WAPL: variants seen among roughly 807,000 people sequenced by gnomAD.
WAPL encodes wings apart-like protein homolog.
A neutral mutation model predicts 121.0 loss-of-function variants in WAPL; 5 were observed. The observed-to-expected ratio is 0.04, with a 90% CI of 0.02 to 0.09. The LOEUF is 0.09. Ranked by LOEUF, WAPL falls within the 10% of genes least tolerant of loss-of-function variation. The pLI is 1.00. For missense variants in WAPL, 999 were observed against 1,410.8 expected (o/e 0.71, Z 4.68); for synonymous variants, 480 against 481.5 (o/e 1.00, Z 0.04).
Position 86,471,171 on chromosome 10 carries a change from T to C in WAPL, c.2031-68A>G, listed in dbSNP as rs531038561. On this transcript the variant is annotated intron_variant, in intron 7 of 18. Coordinates refer to ENST00000298767, the MANE Select transcript of WAPL (RefSeq NM_015045.5). ...GTACATTAGTTTTGAGTTTGTGTAA[T>C]ACCAAAACCAGCAAATAGGAAGGGG... The C allele has an allele frequency of 5.9e-5, 77 of 1,298,028 alleles. 2 individuals carry two copies. In the South Asian group the frequency reaches 8.9e-4, roughly 15 times the overall value. The allele number at this position is 1,298,028 out of a possible 1,614,324, so 80.4% of individuals were successfully genotyped here.
intron 2 of WAPL, among the ~76,000 whole-genome samples, chr10:86,514,988 A>G (rs1011169661): frequency 5.9e-5 from 9 of 152,204 alleles, no homozygotes; most frequent in Admixed American, 5.2e-4. Flanking sequence ...GGCTGGGCAC[A>G]GTGGCTCACG....
Position 86,517,877 on chromosome 10 carries a change from C to G in WAPL, c.193G>C (p.Glu65Gln), listed in dbSNP as rs770776850. 2 of 1,614,106 alleles carry G rather than the reference C, an allele frequency of 1.2e-6. No homozygotes were observed. Among genetic ancestry groups the G allele is most frequent in the Admixed American group, 3.3e-5 (2 of 60,022 alleles). Residue 65 changes from glutamate to glutamine, a missense_variant, in exon 2 of 19, where the codon GAA (glutamate) becomes CAA (glutamine). This residue lies in a region of WAPL where 531 missense variants were observed against 563.1 expected (regional missense o/e 0.94). Coordinates refer to ENST00000298767, the MANE Select transcript of WAPL (RefSeq NM_015045.5). ...AAAGGATCTCCAGTACTTTCTTCTT[C>G]CACTTTAGGTTTCTTCGGAATTTCT... ...IQEIPKKPKVEEESTGDPFGF... is the reference protein window; with the variant it reads ...IQEIPKKPKVQEESTGDPFGF...
rs747934527 is a variant in WAPL, at chr10:86,500,417, T to G, written c.826A>C (p.Asn276His). Residue 276 changes from asparagine (N) to histidine (H), a missense_variant, in exon 3 of 19, where the codon AAT becomes CAT. By Grantham distance (68) the Asn-to-His change is moderately conservative (BLOSUM62 1). Transcript: ENST00000298767. ...ACAATATCTTCCTCAATGGCTTCAT[T>G]CAGATTTTCCAATCGATTTTTAAAA... The part of the protein sequence containing the change: ...DDFKNRLENL[N>H]EAIEEDIVQS... 31 of 1,614,122 alleles carry G rather than the reference T, an allele frequency of 1.9e-5. No individual in the cohort carries two copies. The highest frequency in any genetic ancestry group is 2.4e-5 in the Non-Finnish European group (28 of 1,180,050).
At chr10:86,450,333 G>A (rs539811569) in intron 15 of WAPL, among the ~76,000 whole-genome samples, 10 of 152,262 alleles carry the variant, frequency 6.6e-5, no homozygotes, top group Non-Finnish European at 1.2e-4. Flanking sequence ...ACTCCTGGGT[G>A]CAAGCAATCC....
rs147606210 is a variant in WAPL at position 86,461,240 on chromosome 10, T to C, written c.2418A>G (p.Arg806=). 5.0e-5 allele frequency: 80 copies of C among 1,613,716 alleles called. No homozygotes were observed. The highest frequency in any genetic ancestry group is 2.2e-4 in the Admixed American group (13 of 59,996). The change falls in exon 10 of 19, where the codon CGA becomes CGG. Residue 806 remains arginine, a synonymous_variant. Transcript: ENST00000298767. ...GTTCTTCTTTAAACCAGTCTCCTGC[T>C]CGTTTAGAAGTAAGGGATAATAATG... ...METLLSLTSK[R]AGDWFKEELR...
At chr10:86,505,136 TAAA>T (rs1842320812) in intron 2 of WAPL, among the ~76,000 whole-genome samples, 2 of 151,552 alleles carry the variant, frequency 1.3e-5, no homozygotes, top group Admixed American at 1.3e-4. Context: ...TACAGTCACA[TAAA>T]ATTCCTAAAA....
At chr10:86,495,999 A>C (rs962442982) in intron 4 of WAPL, among the ~76,000 whole-genome samples, 2 of 152,324 alleles carry the variant, frequency 1.3e-5, no homozygotes, top group East Asian at 3.9e-4. Context: ...GTGTAATCCC[A>C]GCTACTTGGG....
chr10:86,455,846 G>A (rs1042779233), intron 12 of WAPL, among the ~76,000 whole-genome samples: 11 of 151,948 alleles, frequency 7.2e-5, no homozygotes, highest in Non-Finnish European at 1.3e-4. Context: ...TCTAGATCAG[G>A]GACAAATGGA....
chr10:86,476,477 T>G (rs1429358117), intron 4 of WAPL, among the ~76,000 whole-genome samples: 1 of 151,948 alleles, frequency 6.6e-6, no homozygotes, highest in Non-Finnish European at 1.5e-5. Flanking sequence ...TCGACTGAGG[T>G]CAGGAGTTTG....
chr10:86,441,768 G>A (rs73348220), intron 17 of WAPL, among the ~76,000 whole-genome samples: 3,613 of 152,132 alleles, frequency 0.024, 118 homozygotes, highest in African/African-American at 0.075. Flanking sequence ...TTGAGAGGTC[G>A]AGGCAGGAGG....
intron 9 of WAPL, chr10:86,467,031 G>C (rs1841414598): frequency 2.4e-6 from 1 of 417,536 alleles, no homozygotes; most frequent in South Asian, 2.6e-5. Context: ...AAAGAGAAAA[G>C]GATTAGACAA....
intron 4 of WAPL, among the ~76,000 whole-genome samples, chr10:86,475,325 T>C (rs969066510): frequency 3.9e-5 from 6 of 152,200 alleles, no homozygotes; most frequent in Non-Finnish European, 7.3e-5. Flanking sequence ...TTGGACAAAT[T>C]AGAGATTTTC....
At chr10:86,485,240 A>G in intron 4 of WAPL, among the ~76,000 whole-genome samples, 1 of 152,048 alleles carries the variant, frequency 6.6e-6, no homozygotes, top group East Asian at 1.9e-4. Flanking sequence ...AAAGGCACCT[A>G]TACTAAAGAA....
intron 1 of WAPL, among the ~76,000 whole-genome samples, chr10:86,518,825 G>A (rs2140668): frequency 0.85 from 129,920 of 152,194 alleles, 56,124 homozygotes; most frequent in Non-Finnish European, 0.92. Context: ...TTTTTCTCAT[G>A]TTTTACAACC....
chr10:86,461,338 A>G (rs1841268686), intron 9 of WAPL, 51 bp from the exon 10 acceptor site: 4 of 1,448,162 alleles, frequency 2.8e-6, no homozygotes, highest in Non-Finnish European at 3.8e-6. Flanking sequence ...CAATAACTCT[A>G]GAAATTGTTT....
Position 86,472,069 on chromosome 10 carries a change from A to G in WAPL, c.2030+139T>C, listed in dbSNP as rs1011996904. Reference sequence around the variant, plus strand: ...TCAAATTCTTTATAAAGAAATGGATAGCATTTTAACATATCACTGGCTATA... The same window carrying G: ...TCAAATTCTTTATAAAGAAATGGATGGCATTTTAACATATCACTGGCTATA... On this transcript the variant is annotated intron_variant, in intron 7 of 18. Coordinates refer to ENST00000298767, the MANE Select transcript of WAPL (RefSeq NM_015045.5). This position sits in a 1 kb window ranked among gnomAD's most constrained non-coding sequence, Gnocchi z 4.2. 14 of 671,670 alleles carry G rather than the reference A, an allele frequency of 2.1e-5. No individual in the cohort carries two copies. The highest frequency in any genetic ancestry group is 1.2e-4 in the Admixed American group (3 of 24,648). The allele number at this position is 671,670 out of a possible 1,614,324, so 41.6% of individuals were successfully genotyped here.
intron 4 of WAPL, among the ~76,000 whole-genome samples, chr10:86,494,409 G>A (rs1842111098): frequency 6.6e-6 from 1 of 152,224 alleles, no homozygotes; most frequent in Admixed American, 6.5e-5. Context: ...TCAAACGTGG[G>A]AATGTGGCAG....
intron 2 of WAPL, among the ~76,000 whole-genome samples, chr10:86,501,445 T>C (rs1238913267): frequency 6.6e-6 from 1 of 152,216 alleles, no homozygotes; most frequent in African/African-American, 2.4e-5. Flanking sequence ...TTTTACAACC[T>C]TTCCAAATGA....
At position 86,437,796 on chromosome 10, in the gene WAPL, A is replaced by G. The variant is rs192347896; in HGVS notation, c.3507+124T>C. 5.8e-5 allele frequency: 56 copies of G among 971,630 alleles called. No homozygotes were observed. In the African/African-American group the frequency reaches 8.8e-4, roughly 15 times the overall value. 60.2% of individuals were successfully genotyped at this position (971,630 alleles called of 1,614,324 possible). A position where few individuals can be genotyped will look rare whatever the true frequency, so the allele number is the denominator to read the frequency against. ...AATGATTACCTTGAAGAAATAGAAC[A>G]CGATTATTAAAATTAAAAGAAAATC... On this transcript the variant is annotated intron_variant, in intron 18 of 18. Transcript: ENST00000298767.
Sources: gnomAD v4.1 joint callset for allele counts (sites outside exome capture counted in the v4.1 genomes callset) on GRCh38, gnomAD v4.1.1 for gene constraint, gnomAD v4.1.1 regional missense constraint, Gnocchi (gnomAD v3.1) non-coding constraint, MANE v1.5 for transcripts, NCBI Gene and HGNC (gene_info 2026-07-23, HGNC 2026-07-21) for gene names.